The following DCC variants were observed in gnomAD, a reference collection of about 807,000 sequenced individuals.
DCC encodes netrin receptor DCC.
Under a neutral mutation model 172.5 loss-of-function variants are expected in DCC, and 58 were observed. The observed-to-expected ratio is 0.34, with a 90% CI of 0.27 to 0.42. DCC has a LOEUF of 0.42. Among genes scored for constraint, DCC ranks in the 10% least tolerant of loss-of-function variants. The pLI is 1.00. For synonymous variants in DCC, 709 were observed against 644.5 expected (o/e 1.10, Z -1.52); for missense variants, 1,740 against 1,791.0 (o/e 0.97, Z 0.51).
intron 5 of DCC, among the ~76,000 whole-genome samples, chr18:52,947,227 C>G (rs372109690): frequency 6.6e-6 from 1 of 152,102 alleles, no homozygotes; most frequent in Non-Finnish European, 1.5e-5. Context: ...GTTTTTAACA[C>G]AAAACATCTT....
At chr18:52,779,148 C>T (rs770454399) in intron 2 of DCC, among the ~76,000 whole-genome samples, 4 of 151,818 alleles carry the variant, frequency 2.6e-5, no homozygotes, top group South Asian at 2.1e-4. Context: ...TGGCCCTTTG[C>T]ATATCCATAA....
At chr18:52,870,515 A>G (rs938123704) in intron 2 of DCC, among the ~76,000 whole-genome samples, 2 of 152,206 alleles carry the variant, frequency 1.3e-5, no homozygotes, top group African/African-American at 2.4e-5. Context: ...CTTTAATTCT[A>G]AATAATACCA....
chr18:52,544,070 T>A (rs940220678), intron 1 of DCC, among the ~76,000 whole-genome samples: 6 of 152,200 alleles, frequency 3.9e-5, no homozygotes, highest in Admixed American at 3.9e-4. Context: ...CTGACTGTAT[T>A]TTCTTGTGAA....
At position 52,529,883 on chromosome 18, in the gene DCC, C is replaced by A. The variant is rs573032390; in HGVS notation, c.91+189005C>A. Among the ~76,000 whole-genome samples, 46 of 152,284 alleles carry A rather than the reference C, an allele frequency of 3.0e-4. No individual in the cohort carries two copies. The South Asian group carries it at 9.1e-3, about 30-fold the overall frequency. On this transcript the variant is annotated intron_variant, in intron 1 of 28. Coordinates refer to ENST00000442544, the MANE Select transcript of DCC (RefSeq NM_005215.4). Reference sequence around the variant, plus strand: ...ATGATGTGATTCAGAGGAAGAAATGCATCTACTTCCTTTAACCCATTTACA... The same window carrying A: ...ATGATGTGATTCAGAGGAAGAAATGAATCTACTTCCTTTAACCCATTTACA...
intron 2 of DCC, among the ~76,000 whole-genome samples, chr18:52,851,144 C>T (rs1568145141): frequency 6.6e-6 from 1 of 151,826 alleles, no homozygotes; most frequent in African/African-American, 2.4e-5. Context: ...GTGACCTCAC[C>T]AAAATATTCT....
intron 7 of DCC, among the ~76,000 whole-genome samples, chr18:53,132,450 C>A (rs147421696): frequency 1.3e-5 from 2 of 152,098 alleles, no homozygotes; most frequent in African/African-American, 4.8e-5. Context: ...TGCTGATCCA[C>A]GCTTAAGTCC....
intron 21 of DCC, among the ~76,000 whole-genome samples, chr18:53,431,000 T>G (rs1911574181): frequency 6.6e-6 from 1 of 152,082 alleles, no homozygotes; most frequent in South Asian, 2.1e-4. Context: ...GGCAACCCCT[T>G]AAACGACTTT....
chr18:52,535,560 A>C (rs1385346835), intron 1 of DCC, among the ~76,000 whole-genome samples: 1 of 152,226 alleles, frequency 6.6e-6, no homozygotes, highest in African/African-American at 2.4e-5. Flanking sequence ...AATCATGTCC[A>C]GTAAAATATA....
intron 1 of DCC, among the ~76,000 whole-genome samples, chr18:52,646,413 A>G (rs903549810): frequency 1.3e-5 from 2 of 152,164 alleles, no homozygotes; most frequent in Non-Finnish European, 2.9e-5. Flanking sequence ...GCATCCCACA[A>G]TTCAATTCAA....
chr18:52,976,007 C>T (rs1197446579), intron 5 of DCC, among the ~76,000 whole-genome samples: 4 of 152,116 alleles, frequency 2.6e-5, no homozygotes, highest in African/African-American at 9.7e-5. Flanking sequence ...TCTCTACAAC[C>T]TTGCCAGCTC....
intron 27 of DCC, among the ~76,000 whole-genome samples, chr18:53,503,748 C>T (rs961802436): frequency 6.6e-6 from 1 of 152,262 alleles, no homozygotes; most frequent in Non-Finnish European, 1.5e-5. Context: ...AAAATGTGAT[C>T]TCTTAAATAG....
intron 1 of DCC, among the ~76,000 whole-genome samples, chr18:52,722,920 T>C (rs1356758841): frequency 2.0e-5 from 3 of 152,156 alleles, no homozygotes; most frequent in Non-Finnish European, 4.4e-5. Flanking sequence ...ATTAAAATTT[T>C]ATGTGTTAGA....
chr18:52,657,857 A>C (rs1473855363), intron 1 of DCC, among the ~76,000 whole-genome samples: 5 of 152,216 alleles, frequency 3.3e-5, no homozygotes, highest in African/African-American at 9.6e-5. Flanking sequence ...TATTGGCTAT[A>C]ATCCTCTACA....
At chr18:52,528,347 G>T (rs187732713) in intron 1 of DCC, among the ~76,000 whole-genome samples, 2 of 152,120 alleles carry the variant, frequency 1.3e-5, no homozygotes, top group East Asian at 1.9e-4. Context: ...TTTGTTGCTA[G>T]GAACAGAAAT....
At chr18:53,149,411 G>A (rs902742593) in intron 7 of DCC, among the ~76,000 whole-genome samples, 9 of 152,142 alleles carry the variant, frequency 5.9e-5, no homozygotes, top group Admixed American at 3.3e-4. Context: ...GGCCCAGAGA[G>A]GCTAAATACC....
At chr18:52,497,441 A>G (rs1388831694) in intron 1 of DCC, among the ~76,000 whole-genome samples, 1 of 82,670 alleles carries the variant, frequency 1.2e-5, no homozygotes, top group African/African-American at 4.2e-5. Context: ...ACATATAAAG[A>G]GGAACAACAT....
chr18:53,526,091 T>TA (rs1330451852), intron 27 of DCC, among the ~76,000 whole-genome samples: 4 of 151,604 alleles, frequency 2.6e-5, no homozygotes, highest in Non-Finnish European at 5.9e-5. Context: ...GAATTACATC[T>TA]TTTTTGTTCC....
At chr18:52,761,649 C>A (rs1480056111) in intron 2 of DCC, among the ~76,000 whole-genome samples, 1 of 151,964 alleles carries the variant, frequency 6.6e-6, no homozygotes, top group East Asian at 1.9e-4. Flanking sequence ...CAAACACAAA[C>A]CCATGCACAC....
At chr18:52,479,942 A>G (rs764942158) in intron 1 of DCC, among the ~76,000 whole-genome samples, 32 of 152,072 alleles carry the variant, frequency 2.1e-4, no homozygotes, top group Non-Finnish European at 4.0e-4. Context: ...TATCCTGACA[A>G]TAGACCCTCC....
Sources: gnomAD v4.1 joint callset for allele counts (sites outside exome capture counted in the v4.1 genomes callset) on GRCh38, gnomAD v4.1.1 for gene constraint, MANE v1.5 for transcripts, NCBI Gene and HGNC (gene_info 2026-07-23, HGNC 2026-07-21) for gene names.